SIN3B: variants seen among roughly 807,000 people sequenced by gnomAD.
The protein encoded by SIN3B is paired amphipathic helix protein Sin3b.
In SIN3B, 19 loss-of-function variants were observed where a neutral mutation model predicts 120.2. The observed-to-expected ratio is 0.16, with a 90% CI of 0.11 to 0.23. The LOEUF (loss-of-function observed/expected upper bound fraction) is 0.23. Among genes scored for constraint, SIN3B ranks in the 10% least tolerant of loss-of-function variants. SIN3B has a pLI of 1.00. For missense variants in SIN3B, 1,073 were observed against 1,573.0 expected (o/e 0.68, Z 5.38); for synonymous variants, 654 against 653.2 (o/e 1.00, Z -0.02).
intron 8 of SIN3B, among the ~76,000 whole-genome samples, chr19:16,860,251 C>T (rs766782371): frequency 2.6e-5 from 4 of 152,238 alleles, no homozygotes; most frequent in Non-Finnish European, 4.4e-5. Flanking sequence ...CGGTCAAGTG[C>T]TCAGCTGGGC....
intron 14 of SIN3B, among the ~76,000 whole-genome samples, chr19:16,875,710 G>A (rs1272766778): frequency 1.3e-5 from 2 of 148,578 alleles, no homozygotes; most frequent in African/African-American, 5.0e-5. Flanking sequence ...GTTCGGTCTG[G>A]TCTGGTCTGG....
Position 16,877,589 on chromosome 19 carries a change from G to T in SIN3B, c.2904G>T (p.Ala968=). The part of the protein sequence containing the change: ...YVEQYVGTEG[A]SSSPTEGFLL... ...AGCAGTATGTGGGGACCGAGGGCGC[G>T]TCCAGCTCGCCCACTGAGGGCTTCC... The change falls in exon 17 of 19, where the codon GCG becomes GCT. Residue 968 remains alanine (A), a synonymous_variant. Transcript: ENST00000248054. The T allele has an allele frequency of 6.2e-7, 1 of 1,612,424 alleles. No individual in the cohort carries two copies. The highest frequency in any genetic ancestry group is 8.5e-7 in the Non-Finnish European group (1 of 1,179,630).
chr19:16,875,856 TTGGTCTGGTC>T (rs376985614), intron 14 of SIN3B, 189 bp from the exon 15 acceptor site: 23 of 629,354 alleles, frequency 3.7e-5, no homozygotes, highest in Non-Finnish European at 4.9e-5. Context: ...TCTGGTCTGT[TTGGTCTGGTC>T]TGGTCTGGTC....
intron 7 of SIN3B, 113 bp downstream of exon 7, chr19:16,853,271 C>G (rs2144597177): frequency 1.1e-6 from 1 of 949,810 alleles, no homozygotes; most frequent in East Asian, 2.5e-5. Context: ...TGGGTGCAGT[C>G]TGAGGATGGA....
At chr19:16,858,586 G>T (rs747763145) in intron 8 of SIN3B, among the ~76,000 whole-genome samples, 6 of 152,102 alleles carry the variant, frequency 3.9e-5, no homozygotes, top group Non-Finnish European at 8.8e-5. Flanking sequence ...GAGGGGCCAG[G>T]CGTGGTGGCT....
chr19:16,851,491 G>A lies in SIN3B; in HGVS notation c.806G>A (p.Arg269His), dbSNP rs746309643. The A allele has an allele frequency of 6.2e-6, 10 of 1,608,946 alleles. No homozygotes were observed. In the South Asian group the frequency reaches 7.8e-5, roughly 13 times the overall value. The change falls in exon 6 of 19, where the codon CGC becomes CAC. Residue 269 changes from arginine to histidine, a missense_variant. Physicochemically the swap from Arg to His is conservative, Grantham distance 29. Around this residue, in one of 7 missense-constraint regions of SIN3B, gnomAD observed 395 missense variants for 528.0 expected, o/e 0.75. Coordinates refer to ENST00000248054, the MANE Select transcript of SIN3B (RefSeq NM_001297595.2). ...AAGACCCCGGAGCACAGCAGGAAGC[G>A]CTCCCGGCCCTCGCTCCTCCGCCCC... ...HDKTPEHSRK[R>H]SRPSLLRPVS...
Position 16,876,210 on chromosome 19 carries a change from C to T in SIN3B, c.2748C>T (p.Ala916=), listed in dbSNP as rs142947346. The change falls in exon 15 of 19, where the codon GCC becomes GCT. Residue 916 remains alanine, a synonymous_variant. Transcript: ENST00000248054. The surrounding 1 kb of genome is among the most constrained non-coding windows in gnomAD (Gnocchi z 7.1). ...AGTGGAAGGCTGAGCGCTGCATGGC[C>T]GACGAGAACTGCTTCAAGGTGAGAG... ...SYQWKAERCM[A]DENCFKVMFL... is the part of the protein sequence containing the mutation. The T allele has an allele frequency of 1.4e-4, 223 of 1,611,212 alleles. 1 individual carries two copies. Among genetic ancestry groups the T allele is most frequent in the Non-Finnish European group, 1.7e-4 (204 of 1,178,546 alleles).
Position 16,880,242 on chromosome 19 carries a change from G to T in SIN3B, c.*1515G>T, listed in dbSNP as rs996827361. The T allele has an allele frequency of 6.6e-6, 1 of 152,246 alleles. No individual in the cohort carries two copies. 9.4% of individuals were successfully genotyped at this position (152,246 alleles called of 1,614,324 possible). A position where few individuals can be genotyped will look rare whatever the true frequency, so the allele number is the denominator to read the frequency against. On this transcript the variant is annotated 3_prime_UTR_variant, in exon 19 of 19. Transcript: ENST00000248054. ...TGCTTCTAGGGAGCGCCTCTTTTCC[G>T]TTCTTGAGGAATTTCTGTTCTGGGG...
intron 3 of SIN3B, among the ~76,000 whole-genome samples, chr19:16,840,500 T>C (rs1438694107): frequency 6.6e-6 from 1 of 152,152 alleles, no homozygotes; most frequent in African/African-American, 2.4e-5. Flanking sequence ...CAGTCTGGGG[T>C]ACCTCGTTGT....
At chr19:16,856,226 G>A (rs577674777) in intron 8 of SIN3B, among the ~76,000 whole-genome samples, 4 of 152,182 alleles carry the variant, frequency 2.6e-5, no homozygotes, top group Admixed American at 1.3e-4. Context: ...ATCCATTCTC[G>A]GGCTCACAGG....
intron 4 of SIN3B, 38 bp downstream of exon 4, chr19:16,842,006 T>TTTCA: frequency 6.5e-7 from 1 of 1,546,228 alleles, no homozygotes; most frequent in Non-Finnish European, 8.9e-7. Flanking sequence ...GGGTTTTGGA[T>TTTCA]TTCATCCAGT....
chr19:16,857,551 G>GTATA lies in SIN3B; in HGVS notation c.1058+3291_1058+3292insATAT, dbSNP rs992393382. ...TGTGTGTGTGTGTGTGTGTGTGTGT[G>GTATA]TGTATATATACACATAAACATTTTT... On this transcript the variant is annotated intron_variant, in intron 8 of 18. Transcript: ENST00000248054. Among the ~76,000 whole-genome samples the GTATA allele has an allele frequency of 2.9e-4, 41 of 142,312 alleles. 2 individuals are homozygous for GTATA. Among genetic ancestry groups the GTATA allele is most frequent in the African/African-American group, 1.1e-3 (40 of 36,074 alleles). 93.4% of individuals were successfully genotyped at this position (142,312 alleles called of 152,430 possible). A position where few individuals can be genotyped will look rare whatever the true frequency, so the allele number is the denominator to read the frequency against.
intron 3 of SIN3B, 84 bp downstream of exon 3, chr19:16,831,731 A>G: frequency 8.2e-7 from 1 of 1,226,004 alleles, no homozygotes; most frequent in Non-Finnish European, 1.2e-6. Flanking sequence ...TCTCTCCTGT[A>G]TCATTGCTAG....
intron 11 of SIN3B, 121 bp downstream of exon 11, chr19:16,865,769 G>C (rs992880396): frequency 1.4e-6 from 1 of 690,606 alleles, no homozygotes; most frequent in Admixed American, 2.7e-5. Context: ...TTGTCAACAG[G>C]TGTCATCTCC....
intron 8 of SIN3B, among the ~76,000 whole-genome samples, chr19:16,858,722 G>T (rs1345183032): frequency 6.6e-6 from 1 of 152,036 alleles, no homozygotes; most frequent in Non-Finnish European, 1.5e-5. Flanking sequence ...GGCTGAGGCG[G>T]GTGGATCACC....
chr19:16,873,129 C>T (rs148708904), intron 14 of SIN3B, among the ~76,000 whole-genome samples: 6 of 152,170 alleles, frequency 3.9e-5, no homozygotes, highest in South Asian at 2.1e-4. Context: ...GTTCAAATCT[C>T]GGTGGGCTCA....
Position 16,862,601 on chromosome 19 carries a change from T to A in SIN3B, c.1266+42T>A. 1 of 1,533,916 alleles carries A rather than the reference T, an allele frequency of 6.5e-7. No homozygotes were observed. On this transcript the variant is annotated intron_variant, in intron 9 of 18. Coordinates refer to ENST00000248054, the MANE Select transcript of SIN3B (RefSeq NM_001297595.2). The surrounding 1 kb of genome is among the most constrained non-coding windows in gnomAD (Gnocchi z 4.7). Reference sequence around the variant, plus strand: ...CTCAAATGTTCGTTGACATGGTGCATCCCCCACCCCTCCCCAGCAAACACC... The same window carrying A: ...CTCAAATGTTCGTTGACATGGTGCAACCCCCACCCCTCCCCAGCAAACACC...
Position 16,871,318 on chromosome 19 carries a change from G to C in SIN3B, c.2512G>C (p.Asp838His). Residue 838 changes from aspartate (D) to histidine (H), a missense_variant, in exon 14 of 19, where the codon GAC becomes CAC. Around this residue, in one of 7 missense-constraint regions of SIN3B, gnomAD observed 24 missense variants for 65.7 expected, o/e 0.37. Transcript: ENST00000248054. ...EGSIDPTQYE[D>H]TLREMFTIHA... ...CAGCATCGACCCCACGCAGTACGAG[G>C]ACACCCTACGCGAGATGTTCACCAT... 6.2e-7 allele frequency: 1 copy of C among 1,614,068 alleles called. No homozygotes were observed. Among genetic ancestry groups the C allele is most frequent in the South Asian group, 1.1e-5 (1 of 91,074 alleles).
intron 4 of SIN3B, among the ~76,000 whole-genome samples, chr19:16,846,664 G>A (rs1212085136): frequency 6.6e-6 from 1 of 152,180 alleles, no homozygotes; most frequent in African/African-American, 2.4e-5. Flanking sequence ...GAAGGCCTGG[G>A]GTTCGCCCCT....
Sources: gnomAD v4.1 joint callset for allele counts (sites outside exome capture counted in the v4.1 genomes callset) on GRCh38, gnomAD v4.1.1 for gene constraint, gnomAD v4.1.1 regional missense constraint, Gnocchi (gnomAD v3.1) non-coding constraint, MANE v1.5 for transcripts, NCBI Gene and HGNC (gene_info 2026-07-23, HGNC 2026-07-21) for gene names.